SLC46A1: variants seen among roughly 807,000 people sequenced by gnomAD.
SLC46A1 encodes proton-coupled folate transporter.
A neutral mutation model predicts 32.1 loss-of-function variants in SLC46A1; 17 were observed. That is an observed-to-expected ratio of 0.53 (90% CI 0.36 to 0.79). The LOEUF (loss-of-function observed/expected upper bound fraction) is 0.79, where lower values mean the gene tolerates loss of function less well. Ranked by LOEUF, SLC46A1 falls within the 30% of genes least tolerant of loss-of-function variation. The pLI is 0.00. For synonymous variants in SLC46A1, 240 were observed against 262.7 expected (o/e 0.91, Z 0.84); for missense variants, 517 against 588.2 (o/e 0.88, Z 1.25).
In SLC46A1 at chr17:28,395,933, A is replaced by G. The variant is rs1555587730; in HGVS notation, c.*3723T>C. On this transcript the variant is annotated 3_prime_UTR_variant, in exon 5 of 5. Coordinates refer to ENST00000612814, the MANE Select transcript of SLC46A1 (RefSeq NM_080669.6). ...ATTGTGACTGCTTTAAGCTGCGGCA[A>G]GAACATTGTGCCCATCATTGATGGC... is the stretch of plus-strand genomic sequence containing the variant. 7 of 1,613,808 alleles carry G rather than the reference A, an allele frequency of 4.3e-6. No homozygotes were observed. The highest frequency in any genetic ancestry group is 5.9e-6 in the Non-Finnish European group (7 of 1,179,870).
Position 28,396,606 on chromosome 17 carries a change from T to G in SLC46A1, c.*3050A>C. The G allele has an allele frequency of 1.6e-5, 5 of 319,948 alleles. No individual in the cohort carries two copies. Among genetic ancestry groups the G allele is most frequent in the East Asian group, 6.2e-5 (1 of 16,040 alleles). 19.8% of individuals were successfully genotyped at this position (319,948 alleles called of 1,614,324 possible). ...GAGTTGGGGTGGGGGTGGTTCTGCA[T>G]TCCCTTCTCCTGCTGATAGCAGTCA... On this transcript the variant is annotated 3_prime_UTR_variant, in exon 5 of 5. Transcript: ENST00000612814.
At chr17:28,402,463 G>C in intron 2 of SLC46A1, 142 bp from the exon 3 acceptor site, 2 of 666,112 alleles carry the variant, frequency 3.0e-6, no homozygotes, top group Non-Finnish European at 2.6e-6. Flanking sequence ...AGGGTGGGAA[G>C]ACAGTAGTCA....
intron 4 of SLC46A1, 21 bp downstream of exon 4, chr17:28,400,589 G>A: frequency 6.2e-7 from 1 of 1,613,062 alleles, no homozygotes; most frequent in Non-Finnish European, 8.5e-7. Flanking sequence ...TTATGAGCAT[G>A]GGTTCAGGGC....
rs782500985 is a variant in SLC46A1 at position 28,399,610 on chromosome 17, G to A, written c.*46C>T. 4 of 1,602,326 alleles carry A rather than the reference G, an allele frequency of 2.5e-6. No homozygotes were observed. Among genetic ancestry groups the A allele is most frequent in the Non-Finnish European group, 3.4e-6 (4 of 1,169,562 alleles). ...CCAGCTGCAGACCTCCAGTTGCTTG[G>A]TGTTCACTTTGCTCCTCTTGCCCTC... On this transcript the variant is annotated 3_prime_UTR_variant, in exon 5 of 5. Transcript: ENST00000612814.
rs576583917 is a variant in SLC46A1, at chr17:28,396,621, G to A, written c.*3035C>T. 1.0e-5 allele frequency: 3 copies of A among 286,770 alleles called. No individual in the cohort carries two copies. In the South Asian group the frequency reaches 1.7e-4, roughly 16 times the overall value. The allele number at this position is 286,770 out of a possible 1,614,324, so 17.8% of individuals were successfully genotyped here. ...TGGTTCTGCATTCCCTTCTCCTGCT[G>A]ATAGCAGTCAGCTTGAGGAGGATGA... On this transcript the variant is annotated 3_prime_UTR_variant, in exon 5 of 5. Coordinates refer to ENST00000612814, the MANE Select transcript of SLC46A1 (RefSeq NM_080669.6).
rs2068103605 is a variant in SLC46A1, at chr17:28,395,036, G to A, written c.*4620C>T. The A allele has an allele frequency of 6.6e-6, 1 of 151,856 alleles. No individual in the cohort carries two copies. Among genetic ancestry groups the A allele is most frequent in the Non-Finnish European group, 1.5e-5 (1 of 68,006 alleles). The allele number at this position is 151,856 out of a possible 1,614,324, so 9.4% of individuals were successfully genotyped here. A position where few individuals can be genotyped will look rare whatever the true frequency, so the allele number is the denominator to read the frequency against. On this transcript the variant is annotated 3_prime_UTR_variant, in exon 5 of 5. Coordinates refer to ENST00000612814, the MANE Select transcript of SLC46A1 (RefSeq NM_080669.6). Reference sequence around the variant, plus strand: ...GTAATTACAGAAAAAAAAAAAATAGGTGGAAGTTGCAGCTGCATGCCCCAT... The same window carrying A: ...GTAATTACAGAAAAAAAAAAAATAGATGGAAGTTGCAGCTGCATGCCCCAT...
rs2068259864 is a variant in SLC46A1, at chr17:28,406,095, G to T, written c.20C>A (p.Pro7His). The change falls in exon 1 of 5, where the codon CCC becomes CAC. Residue 7 changes from proline (P) to histidine (H), a missense_variant. By Grantham distance (77) the Pro-to-His change is moderately conservative. Transcript: ENST00000612814. This position sits in a 1 kb window ranked among gnomAD's most constrained non-coding sequence, Gnocchi z 4.5. ...AGGGCGGGCGCGGGGCTTTTCCGGG[G>T]GGCTCGCGCTCCCCTCCATGTGCGT... MEGSAS[P>H]PEKPRARPAA... The T allele has an allele frequency of 1.3e-6, 2 of 1,561,804 alleles. No individual in the cohort carries two copies. Among genetic ancestry groups the T allele is most frequent in the Non-Finnish European group, 1.7e-6 (2 of 1,156,346 alleles).
chr17:28,406,305 G>T, upstream of SLC46A1: 1 of 448,896 alleles, frequency 2.2e-6, no homozygotes, highest in East Asian at 3.8e-5. The surrounding 1 kb of genome is among the most constrained non-coding windows in gnomAD (Gnocchi z 4.5). Flanking sequence ...CACCTGGCTG[G>T]GCGTGGGCCA....
chr17:28,404,828 AG>A lies in SLC46A1; in HGVS notation c.868del (p.Leu290PhefsTer4). On this transcript the variant is annotated frameshift_variant, in exon 2 of 5. Coordinates refer to ENST00000612814, the MANE Select transcript of SLC46A1 (RefSeq NM_080669.6). LOFTEE classifies it high-confidence loss of function. ...VHFGAQDILT[L>X]YELSTPLCWD... ...GCAGAGGGGTGTGCTTAGTTCATAA[AG>A]GGTTAAGATGTCCTGGGCCCCAAAG... The A allele has an allele frequency of 6.2e-7, 1 of 1,614,024 alleles. No individual in the cohort carries two copies. The highest frequency in any genetic ancestry group is 8.5e-7 in the Non-Finnish European group (1 of 1,179,902).
At chr17:28,402,085 G>T (rs2068202478) in intron 3 of SLC46A1, 153 bp downstream of exon 3, 1 of 629,062 alleles carries the variant, frequency 1.6e-6, no homozygotes, top group Non-Finnish European at 2.7e-6. Flanking sequence ...CCCATTGTGG[G>T]CAATTTCACA....
chr17:28,405,023 T>C lies in SLC46A1; in HGVS notation c.674A>G (p.Tyr225Cys), dbSNP rs1344105627. ...ALALLIAMTLYAAFCFGETLK... is the reference protein window; with the variant it reads ...ALALLIAMTLCAAFCFGETLK... The stretch of plus-strand genomic sequence containing the variant: ...GGTCTCACCAAAGCAGAAAGCTGCA[T>C]AGAGAGTCATGGCTATCAGCAAGGC... The change falls in exon 2 of 5, where the codon TAT becomes TGT. Residue 225 changes from tyrosine (Y) to cysteine (C), a missense_variant. Tyr to Cys is a radical substitution (Grantham distance 194). Transcript: ENST00000612814. 6.2e-7 allele frequency: 1 copy of C among 1,613,908 alleles called. No homozygotes were observed. The highest frequency in any genetic ancestry group is 8.5e-7 in the Non-Finnish European group (1 of 1,179,872).
At position 28,399,612 on chromosome 17, in the gene SLC46A1, G is replaced by A. The variant is rs782746393; in HGVS notation, c.*44C>T. ...AGCTGCAGACCTCCAGTTGCTTGGT[G>A]TTCACTTTGCTCCTCTTGCCCTCTG... is the stretch of plus-strand genomic sequence containing the variant. On this transcript the variant is annotated 3_prime_UTR_variant, in exon 5 of 5. Coordinates refer to ENST00000612814, the MANE Select transcript of SLC46A1 (RefSeq NM_080669.6). 53 of 1,606,466 alleles carry A rather than the reference G, an allele frequency of 3.3e-5. No homozygotes were observed. The highest frequency in any genetic ancestry group is 4.3e-5 in the Non-Finnish European group (51 of 1,173,382).
Position 28,406,209 on chromosome 17 carries a change from G to C in SLC46A1, c.-95C>G. The C allele has an allele frequency of 1.1e-6, 1 of 941,450 alleles. No individual in the cohort carries two copies. The highest frequency in any genetic ancestry group is 1.4e-6 in the Non-Finnish European group (1 of 712,396). The allele number at this position is 941,450 out of a possible 1,614,324, so 58.3% of individuals were successfully genotyped here. A position where few individuals can be genotyped will look rare whatever the true frequency, so the allele number is the denominator to read the frequency against. On this transcript the variant is annotated 5_prime_UTR_variant, in exon 1 of 5. Transcript: ENST00000612814. This position sits in a 1 kb window ranked among gnomAD's most constrained non-coding sequence, Gnocchi z 4.5. ...CGACGCGTGGCGTGGGGCTTGCGCT[G>C]TCTGCGCCTGCGCCCGGCGTCCCTC...
At position 28,404,912 on chromosome 17, in the gene SLC46A1, T is replaced by G; in HGVS notation, c.785A>C (p.Lys262Thr). 6.2e-7 allele frequency: 1 copy of G among 1,614,036 alleles called. No homozygotes were observed. Among genetic ancestry groups the G allele is most frequent in the East Asian group, 2.2e-5 (1 of 44,894 alleles). ...GTAGAGGGCTAAATGTTTCCTGGACTTCTCTGGGGCGGGAGCCACATAGAG... is the reference window on the plus strand; with the variant it reads ...GTAGAGGGCTAAATGTTTCCTGGACGTCTCTGGGGCGGGAGCCACATAGAG... Reference protein sequence around the residue: ...VQLYVAPAPEKSRKHLALYSL... With the variant: ...VQLYVAPAPETSRKHLALYSL... Residue 262 changes from lysine (K) to threonine (T), a missense_variant, in exon 2 of 5, where the codon AAG becomes ACG. Coordinates refer to ENST00000612814, the MANE Select transcript of SLC46A1 (RefSeq NM_080669.6).
chr17:28,399,718 G>GAA lies in SLC46A1; in HGVS notation c.1323-6_1323-5insTT. The GAA allele has an allele frequency of 6.2e-7, 1 of 1,613,904 alleles. No homozygotes were observed. Among genetic ancestry groups the GAA allele is most frequent in the South Asian group, 1.1e-5 (1 of 91,062 alleles). ...GGATCAGCCTTTTCCAGCATCCTGTGAGAGACCAGAGAGAGAGTTTGGATT... is the reference window on the plus strand; with the variant it reads ...GGATCAGCCTTTTCCAGCATCCTGTGAAAGAGACCAGAGAGAGAGTTTGGATT... On this transcript the variant is annotated splice_polypyrimidine_tract_variant and splice_region_variant and intron_variant, in intron 4 of 4. Transcript: ENST00000612814.
At position 28,395,434 on chromosome 17, in the gene SLC46A1, T is replaced by G. The variant is rs915916338; in HGVS notation, c.*4222A>C. ...CTCTTCAAAACCCCTTGTTTGGGGG[T>G]TTTTATGGAGGTTCCATTATGTAGG... is the stretch of plus-strand genomic sequence containing the variant. On this transcript the variant is annotated 3_prime_UTR_variant, in exon 5 of 5. Transcript: ENST00000612814. 9.6e-5 allele frequency: 15 copies of G among 155,732 alleles called. No homozygotes were observed. The highest frequency in any genetic ancestry group is 2.0e-4 in the Non-Finnish European group (14 of 70,268). The allele number at this position is 155,732 out of a possible 1,614,324, so 9.6% of individuals were successfully genotyped here.
At position 28,397,305 on chromosome 17, in the gene SLC46A1, G is replaced by A. The variant is rs1555588347; in HGVS notation, c.*2351C>T. 6.6e-6 allele frequency: 1 copy of A among 152,316 alleles called. No homozygotes were observed. The highest frequency in any genetic ancestry group is 2.4e-5 in the African/African-American group (1 of 41,470). 9.4% of individuals were successfully genotyped at this position (152,316 alleles called of 1,614,324 possible). ...CCTGGGAATGTTGTTAAAATCAGGA[G>A]ATCTGGGGTGGGGCCTAGGACTCTG... On this transcript the variant is annotated 3_prime_UTR_variant, in exon 5 of 5. Transcript: ENST00000612814.
At position 28,397,646 on chromosome 17, in the gene SLC46A1, C is replaced by T. The variant is rs2068144275; in HGVS notation, c.*2010G>A. The T allele has an allele frequency of 6.6e-6, 1 of 152,238 alleles. No individual in the cohort carries two copies. The highest frequency in any genetic ancestry group is 2.4e-5 in the African/African-American group (1 of 41,452). The allele number at this position is 152,238 out of a possible 1,614,324, so 9.4% of individuals were successfully genotyped here. On this transcript the variant is annotated 3_prime_UTR_variant, in exon 5 of 5. Coordinates refer to ENST00000612814, the MANE Select transcript of SLC46A1 (RefSeq NM_080669.6). The stretch of plus-strand genomic sequence containing the variant: ...ATTCTGAGGCTGGGCTATTGCTTCT[C>T]CCTTGCTTCAAAGAATCTAGCAGCG...
At position 28,404,971 on chromosome 17, in the gene SLC46A1, G is replaced by C. The variant is rs782651103; in HGVS notation, c.726C>G (p.Leu242=). The C allele has an allele frequency of 5.6e-6, 9 of 1,614,028 alleles. No individual in the cohort carries two copies. Among genetic ancestry groups the C allele is most frequent in the Non-Finnish European group, 7.6e-6 (9 of 1,179,896 alleles). The change falls in exon 2 of 5, where the codon CTC becomes CTG. Residue 242 remains leucine, a synonymous_variant. Transcript: ENST00000612814. ...ETLKEPKSTR[L]FTFRHHRSIV... ...TGGATCGGTGGTGACGGAACGTGAAGAGCCGGGTGGACTTTGGCTCCTTTA... is the reference window on the plus strand; with the variant it reads ...TGGATCGGTGGTGACGGAACGTGAACAGCCGGGTGGACTTTGGCTCCTTTA...
Sources: allele counts gnomAD v4.1 joint callset, GRCh38; gene constraint gnomAD v4.1.1; non-coding constraint Gnocchi (gnomAD v3.1); transcripts MANE v1.5; gene names NCBI Gene and HGNC (gene_info 2026-07-23, HGNC 2026-07-21).